DZANK1: variants seen among roughly 807,000 people sequenced by gnomAD.
The protein encoded by DZANK1 is double zinc ribbon and ankyrin repeat-containing protein 1.
DZANK1 carries 91 observed loss-of-function variants against 94.5 expected under a neutral mutation model. That is an observed-to-expected ratio of 0.96 (90% confidence interval 0.81 to 1.15). The LOEUF is 1.15. Among genes scored for constraint, DZANK1 ranks in the 50% most tolerant of loss-of-function variants. DZANK1 has a pLI of 0.00. For missense variants in DZANK1, 903 were observed against 916.4 expected, an observed-to-expected ratio of 0.99 and a Z score of 0.19; for synonymous variants, 312 against 325.3, an observed-to-expected ratio of 0.96 and a Z score of 0.44.
intron 19 of DZANK1, among the ~76,000 whole-genome samples, chr20:18,388,628 A>G (rs1386660557): frequency 6.6e-6 from 1 of 152,232 alleles, no homozygotes; most frequent in Non-Finnish European, 1.5e-5. Flanking sequence ...CAATAATACA[A>G]CAGTGTGGGA....
chr20:18,426,122 C>T (rs139844983), intron 10 of DZANK1, among the ~76,000 whole-genome samples: 1 of 152,316 alleles, frequency 6.6e-6, no homozygotes, highest in East Asian at 1.9e-4. Context: ...AACCAGGCCA[C>T]ACAGCAGGAG....
At position 18,389,684 on chromosome 20, in the gene DZANK1, C is replaced by G. The variant is rs751697961; in HGVS notation, c.2018+17G>C. The G allele has an allele frequency of 1.2e-6, 2 of 1,613,242 alleles. No individual in the cohort carries two copies. Among genetic ancestry groups the G allele is most frequent in the Admixed American group, 3.3e-5 (2 of 60,006 alleles). The stretch of plus-strand genomic sequence containing the variant: ...CCTGCTGCTACCTTAGCTCTCCTTT[C>G]AATGTGTTTCACTTACGGCCCCCAC... On this transcript the variant is annotated intron_variant, in intron 19 of 20. Coordinates refer to ENST00000262547, the Ensembl canonical transcript of DZANK1.
intron 17 of DZANK1, among the ~76,000 whole-genome samples, chr20:18,391,319 C>T (rs1312029517): frequency 1.3e-5 from 2 of 152,108 alleles, no homozygotes; most frequent in African/African-American, 4.8e-5. Context: ...CTGCAACCTC[C>T]GTCTCATAGG....
chr20:18,409,852 G>A (rs1437103180), intron 13 of DZANK1, among the ~76,000 whole-genome samples: 1 of 152,022 alleles, frequency 6.6e-6, no homozygotes, highest in Non-Finnish European at 1.5e-5. Flanking sequence ...GGTGGATCAC[G>A]AGGTCAGGCG....
rs201423741 is a variant in DZANK1, at chr20:18,449,051, C to A, written c.562G>T (p.Val188Leu). 9.7e-5 allele frequency: 157 copies of A among 1,613,682 alleles called. No homozygotes were observed. In the African/African-American group the frequency reaches 1.9e-3, roughly 20 times the overall value. The change falls in exon 7 of 21, where the codon GTA becomes TTA. Residue 188 changes from valine to leucine, a missense_variant. Physicochemically the swap from Val to Leu is conservative, Grantham distance 32 (BLOSUM62 1). Coordinates refer to ENST00000262547, the Ensembl canonical transcript of DZANK1. The stretch of plus-strand genomic sequence containing the variant: ...CTTGTCAAACACTTCTGACCGCTTA[C>A]GTGTGCAAAACCGGGGGACTAAAAT...
At chr20:18,392,637 C>T (rs573775832) in intron 17 of DZANK1, among the ~76,000 whole-genome samples, 3 of 152,204 alleles carry the variant, frequency 2.0e-5, no homozygotes, top group Admixed American at 6.5e-5. Context: ...CCCTTTTCTC[C>T]AAAGCTCCTT....
chr20:18,450,026 C>T (rs968695168), intron 6 of DZANK1, among the ~76,000 whole-genome samples: 2 of 151,630 alleles, frequency 1.3e-5, no homozygotes, highest in Non-Finnish European at 2.9e-5. Context: ...TGTGGTGAGC[C>T]AAGATCATGC....
chr20:18,465,310 G>A, exon 2 of DZANK1: 1 of 1,611,464 alleles, frequency 6.2e-7, no homozygotes, highest in Admixed American at 1.7e-5. Context: ...CCAGGCTGAG[G>A]CACTCGTAAT....
chr20:18,435,672 T>C (rs892003564), intron 8 of DZANK1, among the ~76,000 whole-genome samples: 1 of 151,934 alleles, frequency 6.6e-6, no homozygotes, highest in Non-Finnish European at 1.5e-5. Context: ...GATGATGGGT[T>C]GATGGGTGCA....
intron 13 of DZANK1, among the ~76,000 whole-genome samples, chr20:18,406,697 C>G (rs907810106): frequency 1.3e-5 from 2 of 152,200 alleles, no homozygotes; most frequent in East Asian, 3.8e-4. Context: ...ATCTTGCACC[C>G]TAGGTACCAG....
intron 7 of DZANK1, among the ~76,000 whole-genome samples, chr20:18,446,944 A>G (rs1352088646): frequency 6.6e-6 from 1 of 152,238 alleles, no homozygotes; most frequent in African/African-American, 2.4e-5. Flanking sequence ...ATTCTTTAAA[A>G]CCTTTTAGCA....
rs1029778525 is a variant in DZANK1, at chr20:18,417,836, A to G, written c.955-2387T>C. Among the ~76,000 whole-genome samples the G allele has an allele frequency of 2.0e-5, 3 of 152,186 alleles. No individual in the cohort carries two copies. In the South Asian group the frequency reaches 6.2e-4, roughly 31 times the overall value. On this transcript the variant is annotated intron_variant, in intron 10 of 20. Transcript: ENST00000262547. Reference sequence around the variant, plus strand: ...TGTGGTGGCTCACACCTGTAATCCCAGCACTTTAGGAGGCTGAGGCGAGTG... The same window carrying G: ...TGTGGTGGCTCACACCTGTAATCCCGGCACTTTAGGAGGCTGAGGCGAGTG...
At chr20:18,419,653 A>G (rs1568940412) in intron 10 of DZANK1, among the ~76,000 whole-genome samples, 1 of 152,182 alleles carries the variant, frequency 6.6e-6, no homozygotes, top group Non-Finnish European at 1.5e-5. Flanking sequence ...CAGAAAGAAA[A>G]TAACTGTCAG....
chr20:18,436,401 A>G (rs1248168741), intron 8 of DZANK1, among the ~76,000 whole-genome samples: 6 of 145,176 alleles, frequency 4.1e-5, no homozygotes, highest in African/African-American at 7.6e-5. Flanking sequence ...CCGAGATCGT[A>G]CCACTGCACT....
intron 10 of DZANK1, among the ~76,000 whole-genome samples, chr20:18,424,720 C>T (rs1166643405): frequency 6.6e-6 from 1 of 151,974 alleles, no homozygotes; most frequent in Non-Finnish European, 1.5e-5. Flanking sequence ...AGGTATTTAC[C>T]TAAGAAAAAT....
rs766585191 is a variant in DZANK1 at position 18,452,776 on chromosome 20, T to C, written c.476-94A>G. Reference sequence around the variant, plus strand: ...TTAAAAACATTATTCTTTGAGCATCTGTAATTATACATAATCATACAAAGA... The same window carrying C: ...TTAAAAACATTATTCTTTGAGCATCCGTAATTATACATAATCATACAAAGA... On this transcript the variant is annotated intron_variant, in intron 5 of 20. Transcript: ENST00000262547. 5 of 1,524,742 alleles carry C rather than the reference T, an allele frequency of 3.3e-6. No homozygotes were observed. In the South Asian group the frequency reaches 5.0e-5, roughly 15 times the overall value. 94.5% of individuals were successfully genotyped at this position (1,524,742 alleles called of 1,614,324 possible).
chr20:18,443,363 G>A (rs1568990258), exon 8 of DZANK1: 1 of 1,549,622 alleles, frequency 6.5e-7, no homozygotes, highest in Non-Finnish European at 8.7e-7. Flanking sequence ...TCCTTCTGGG[G>A]GTGGGAGACG....
chr20:18,461,539 TG>T (rs1158800037), intron 2 of DZANK1, among the ~76,000 whole-genome samples: 4 of 152,018 alleles, frequency 2.6e-5, no homozygotes, highest in African/African-American at 9.7e-5. Context: ...TGTAAATATA[TG>T]GGCAAGACAA....
At chr20:18,412,754 A>G (rs778609869) in exon 13 of DZANK1, 1 of 1,613,818 alleles carries the variant, frequency 6.2e-7, no homozygotes, top group East Asian at 2.2e-5. Context: ...AGCTTGCCAG[A>G]TGGGTAGAAG....
Sources: allele counts gnomAD v4.1 joint callset (sites outside exome capture counted in the v4.1 genomes callset), GRCh38; gene constraint gnomAD v4.1.1; transcripts MANE v1.5; gene names NCBI Gene and HGNC (gene_info 2026-07-23, HGNC 2026-07-21).